Variants in SH3D19 observed in about 807,000 individuals in gnomAD.
SH3D19 encodes the protein SH3 domain-containing protein 19.
In SH3D19, 58 loss-of-function variants were observed where a neutral mutation model predicts 112.1. The observed-to-expected ratio is 0.52, with a 90% CI of 0.42 to 0.64. The LOEUF is 0.64. SH3D19 is among the 30% of genes least tolerant of loss of function. The pLI is 0.00. For synonymous variants in SH3D19, 391 were observed against 448.5 expected, an observed-to-expected ratio of 0.87 and a Z score of 1.62; for missense variants, 1,090 against 1,263.4, an observed-to-expected ratio of 0.86 and a Z score of 2.08.
At chr4:151,270,740 T>C (rs1245264595) in intron 1 of SH3D19, among the ~76,000 whole-genome samples, 2 of 152,324 alleles carry the variant, frequency 1.3e-5, no homozygotes, top group South Asian at 2.1e-4. Flanking sequence ...CAACCTAGTA[T>C]AAGTGGTCTG....
At chr4:151,251,806 A>C (rs1295001686) in intron 1 of SH3D19, among the ~76,000 whole-genome samples, 1 of 152,180 alleles carries the variant, frequency 6.6e-6, no homozygotes, top group Non-Finnish European at 1.5e-5. Context: ...CACTTAATTC[A>C]AGTGGATCCT....
At chr4:151,136,990 T>G (rs1359204272) in intron 14 of SH3D19, among the ~76,000 whole-genome samples, 2 of 152,232 alleles carry the variant, frequency 1.3e-5, no homozygotes, top group East Asian at 1.9e-4. Context: ...CTAAATTTAT[T>G]GATATTTCAC....
At chr4:151,212,820 G>A (rs1766187301) in intron 2 of SH3D19, among the ~76,000 whole-genome samples, 1 of 152,220 alleles carries the variant, frequency 6.6e-6, no homozygotes, top group Non-Finnish European at 1.5e-5. Context: ...TTCCTCTGAT[G>A]AACTGGGGCA....
In SH3D19 at chr4:151,316,073, AC is replaced by A. The variant is rs913650376; in HGVS notation, c.112+9167del. Among the ~76,000 whole-genome samples the A allele has an allele frequency of 1.2e-4, 18 of 152,240 alleles. No individual in the cohort carries two copies. The South Asian group carries it at 3.3e-3, about 28-fold the overall frequency. Reference sequence around the variant, plus strand: ...CAAGCAGAGAAACTTCACAAGCACTACCTCTGCCAGGTAATCAAGGTCAGTA... The same window carrying A: ...CAAGCAGAGAAACTTCACAAGCACTACTCTGCCAGGTAATCAAGGTCAGTA... On this transcript the variant is annotated intron_variant, in intron 1 of 19. Transcript: ENST00000604030.
chr4:151,258,243 G>A (rs1772093869), intron 1 of SH3D19, among the ~76,000 whole-genome samples: 2 of 152,174 alleles, frequency 1.3e-5, no homozygotes, highest in Admixed American at 1.3e-4. Flanking sequence ...GCTAAGAGCA[G>A]GTAATGATTG....
chr4:151,203,719 C>A (rs1764716868), intron 2 of SH3D19, among the ~76,000 whole-genome samples: 3 of 152,140 alleles, frequency 2.0e-5, no homozygotes, highest in Admixed American at 2.0e-4. Flanking sequence ...AGACTTTGTA[C>A]TTGTATTCCC....
chr4:151,146,258 G>C (rs956587113), intron 11 of SH3D19, among the ~76,000 whole-genome samples: 5 of 151,960 alleles, frequency 3.3e-5, no homozygotes. Context: ...TCGTTCAATT[G>C]TTAAAAAGAG....
chr4:151,303,332 G>A (rs1728633970), intron 1 of SH3D19, among the ~76,000 whole-genome samples: 1 of 152,104 alleles, frequency 6.6e-6, no homozygotes, highest in African/African-American at 2.4e-5. Flanking sequence ...CCATTTTCTT[G>A]AATAGATTAT....
intron 2 of SH3D19, among the ~76,000 whole-genome samples, chr4:151,189,573 A>G (rs899847621): frequency 6.6e-6 from 1 of 151,970 alleles, no homozygotes; most frequent in Admixed American, 6.6e-5. Flanking sequence ...TTCTCACGAC[A>G]GTGAATAAGT....
intron 1 of SH3D19, among the ~76,000 whole-genome samples, chr4:151,255,513 G>T (rs1009275111): frequency 5.9e-5 from 9 of 151,716 alleles, no homozygotes; most frequent in Non-Finnish European, 1.2e-4. Flanking sequence ...TGAGATGGCG[G>T]CCGGGCGGAG....
Position 151,139,755 on chromosome 4 carries a change from T to C in SH3D19, c.2296+20A>G. 6.2e-7 allele frequency: 1 copy of C among 1,610,818 alleles called. No homozygotes were observed. The highest frequency in any genetic ancestry group is 1.1e-5 in the South Asian group (1 of 90,932). On this transcript the variant is annotated intron_variant, in intron 13 of 19. Coordinates refer to ENST00000604030, the MANE Select transcript of SH3D19 (RefSeq NM_001378122.1). The stretch of plus-strand genomic sequence containing the variant: ...CTCCTGGATCCTGTGGTTCTCCCAC[T>C]GCATTATTTACATCCTTACCTGCTG...
chr4:151,279,624 C>T (rs1355763734), intron 1 of SH3D19, among the ~76,000 whole-genome samples: 1 of 152,154 alleles, frequency 6.6e-6, no homozygotes, highest in African/African-American at 2.4e-5. Flanking sequence ...GGGGAGTGGT[C>T]TCCATTTTGA....
At chr4:151,180,636 G>A (rs1425277541) in intron 3 of SH3D19, among the ~76,000 whole-genome samples, 2 of 150,986 alleles carry the variant, frequency 1.3e-5, no homozygotes, top group Non-Finnish European at 2.9e-5. Context: ...TCGATCTCCC[G>A]ACCTTGTGAT....
rs1233547429 is a variant in SH3D19 at position 151,298,422 on chromosome 4, C to T, written c.112+26819G>A. On this transcript the variant is annotated intron_variant, in intron 1 of 19. Transcript: ENST00000604030. ...CAATCTCCTGATCTCGTGATCCTCCCGCCTCGGCCTCCCAAAGTGCTGGAA... is the reference window on the plus strand; with the variant it reads ...CAATCTCCTGATCTCGTGATCCTCCTGCCTCGGCCTCCCAAAGTGCTGGAA... Among the ~76,000 whole-genome samples the T allele has an allele frequency of 2.0e-5, 3 of 151,172 alleles. No individual in the cohort carries two copies. The South Asian group carries it at 6.3e-4, about 32-fold the overall frequency.
intron 11 of SH3D19, among the ~76,000 whole-genome samples, chr4:151,147,283 CA>C (rs1754089898): frequency 1.3e-5 from 2 of 152,234 alleles, no homozygotes; most frequent in South Asian, 4.1e-4. Flanking sequence ...AAAGGAAAAA[CA>C]AAAGATATAA....
At chr4:151,297,402 A>T (rs1183313798) in intron 1 of SH3D19, among the ~76,000 whole-genome samples, 1 of 152,224 alleles carries the variant, frequency 6.6e-6, no homozygotes, top group East Asian at 1.9e-4. Context: ...TTGTGCTATA[A>T]TTATCTCTGA....
At chr4:151,155,000 TG>T (rs1755816570) in intron 9 of SH3D19, among the ~76,000 whole-genome samples, 1 of 150,706 alleles carries the variant, frequency 6.6e-6, no homozygotes, top group African/African-American at 2.4e-5. Flanking sequence ...TCAAGTGATT[TG>T]CCCGCCTTGG....
rs1188476727 is a variant in SH3D19, at chr4:151,137,884, A to G, written c.2297-22T>C. ...TGCTCTGTAATATAAAATTATAGTT[A>G]TGTATGATGAATCATCCTGGTTGCA... On this transcript the variant is annotated intron_variant, in intron 13 of 19. Transcript: ENST00000604030. The G allele has an allele frequency of 4.5e-6, 7 of 1,571,362 alleles. No individual in the cohort carries two copies. The South Asian group carries it at 8.4e-5, about 19-fold the overall frequency.
At chr4:151,222,721 G>A (rs937937844) in intron 2 of SH3D19, among the ~76,000 whole-genome samples, 3 of 120,856 alleles carry the variant, frequency 2.5e-5, no homozygotes, top group Non-Finnish European at 3.2e-5. Context: ...TGCCCAGACT[G>A]GAGCGCAGTG....
Sources: allele counts gnomAD v4.1 joint callset (sites outside exome capture counted in the v4.1 genomes callset), GRCh38; gene constraint gnomAD v4.1.1; transcripts MANE v1.5; gene names NCBI Gene and HGNC (gene_info 2026-07-23, HGNC 2026-07-21).